Variants in LITAF observed in about 807,000 individuals in gnomAD.
LITAF encodes the protein lipopolysaccharide-induced tumor necrosis factor-alpha factor.
Under a neutral mutation model 14.5 loss-of-function variants are expected in LITAF, and 9 were observed. The ratio of observed to expected loss-of-function variants is 0.62; its 90% CI spans 0.37 to 1.08. The LOEUF (loss-of-function observed/expected upper bound fraction) is 1.08, where lower values mean the gene tolerates loss of function less well. Among genes scored for constraint, LITAF ranks in the 50% least tolerant of loss-of-function variants. LITAF has a pLI of 0.01. For missense variants in LITAF, 206 were observed against 213.4 expected (o/e 0.97, Z 0.22); for synonymous variants, 98 against 88.2 (o/e 1.11, Z -0.62).
chr16:11,569,223 A>T (rs746908865), intron 1 of LITAF, among the ~76,000 whole-genome samples: 1 of 152,120 alleles, frequency 6.6e-6, no homozygotes, highest in Non-Finnish European at 1.5e-5. Flanking sequence ...CAGGCTGGAC[A>T]TCTCTGCCTG....
intron 3 of LITAF, among the ~76,000 whole-genome samples, chr16:11,618,590 TTC>T (rs1427020782): frequency 2.6e-5 from 4 of 152,296 alleles, no homozygotes; most frequent in African/African-American, 9.6e-5. Context: ...GCAAGATAGT[TTC>T]TCTCTGGCCA....
At chr16:11,603,670 C>T (rs1278666362) in intron 3 of LITAF, among the ~76,000 whole-genome samples, 1 of 152,194 alleles carries the variant, frequency 6.6e-6, no homozygotes, top group Non-Finnish European at 1.5e-5. Context: ...CCAACCCGGC[C>T]ACCTCAGCAG....
At position 11,634,479 on chromosome 16, in the gene LITAF, G is replaced by T. The variant is rs2065130585; in HGVS notation, c.-20-842C>A. ...TACATGATTACCAGCCATTATTCCA[G>T]AGGCCACAAGATTTGCAACTTCCCC... On this transcript the variant is annotated intron_variant, in intron 2 of 3. Coordinates refer to the LITAF transcript ENST00000574848. This position sits in a 1 kb window ranked among gnomAD's most constrained non-coding sequence, Gnocchi z 4.1. Among the ~76,000 whole-genome samples, 1 of 152,152 alleles carries T rather than the reference G, an allele frequency of 6.6e-6. No homozygotes were observed. The highest frequency in any genetic ancestry group is 1.5e-5 in the Non-Finnish European group (1 of 68,032).
upstream of LITAF, among the ~76,000 whole-genome samples, chr16:11,601,622 T>G (rs1296570178): frequency 1.3e-5 from 2 of 152,060 alleles, no homozygotes; most frequent in African/African-American, 2.4e-5. Flanking sequence ...CAGGCTGGAG[T>G]GCGGTGGTGT....
intron 1 of LITAF, among the ~76,000 whole-genome samples, chr16:11,577,764 G>T (rs1409773035): frequency 6.6e-6 from 1 of 152,088 alleles, no homozygotes; most frequent in Non-Finnish European, 1.5e-5. Flanking sequence ...CACCCAGGCT[G>T]GAGTGCAGTG....
intron 3 of LITAF, among the ~76,000 whole-genome samples, chr16:11,552,496 C>T (rs192466062): frequency 1.7e-4 from 26 of 152,254 alleles, no homozygotes; most frequent in Non-Finnish European, 2.4e-4. Flanking sequence ...AAGCTTCCCT[C>T]GGGCTCGAGC....
chr16:11,635,031 C>T lies in LITAF; in HGVS notation c.-21+794G>A, dbSNP rs1298836790. ...CCTGGGCATCACAGTGAGACTCCAT[C>T]TCAAAAATAAAATAAAATAAAATAA... On this transcript the variant is annotated intron_variant, in intron 2 of 3. Coordinates refer to the LITAF transcript ENST00000574848. Among the ~76,000 whole-genome samples, 8 of 147,020 alleles carry T rather than the reference C, an allele frequency of 5.4e-5. No homozygotes were observed. In the South Asian group the frequency reaches 1.8e-3, roughly 32 times the overall value.
At position 11,555,897 on chromosome 16, in the gene LITAF, G is replaced by C. The variant is rs551515492; in HGVS notation, c.220+614C>G. ...AACCTATTTTACAAATGGGGAAGCT[G>C]AGGCACAAGGAGGTTATGTGAACCC... On this transcript the variant is annotated intron_variant, in intron 2 of 3. Transcript: ENST00000622633. Among the ~76,000 whole-genome samples the C allele has an allele frequency of 6.6e-5, 10 of 152,294 alleles. No homozygotes were observed. In the South Asian group the frequency reaches 2.1e-3, roughly 32 times the overall value.
chr16:11,550,223 G>C (rs1481064280), intron 3 of LITAF, among the ~76,000 whole-genome samples: 1 of 152,214 alleles, frequency 6.6e-6, no homozygotes, highest in Non-Finnish European at 1.5e-5. Context: ...CTGAGTAGCT[G>C]GGATTGCAGG....
chr16:11,607,734 A>G (rs2064961963), intron 3 of LITAF, among the ~76,000 whole-genome samples: 1 of 152,214 alleles, frequency 6.6e-6, no homozygotes. Flanking sequence ...CAACCATAAC[A>G]TCACCAGACC....
chr16:11,575,222 C>T (rs2064612619), intron 1 of LITAF, among the ~76,000 whole-genome samples: 1 of 152,092 alleles, frequency 6.6e-6, no homozygotes, highest in African/African-American at 2.4e-5. Flanking sequence ...TTATGGGACC[C>T]ATATAGGGAG....
At chr16:11,554,563 T>C (rs1182648031) in intron 2 of LITAF, among the ~76,000 whole-genome samples, 1 of 151,622 alleles carries the variant, frequency 6.6e-6, no homozygotes, top group Admixed American at 6.6e-5. Flanking sequence ...GAGGCCGAGG[T>C]GCGTGGATCA....
At chr16:11,637,893 AAAAACT>A (rs1188799738), upstream of LITAF, among the ~76,000 whole-genome samples, 1 of 93,846 alleles carries the variant, frequency 1.1e-5, no homozygotes, top group African/African-American at 5.6e-5. Flanking sequence ...AAAAAAAAAA[AAAAACT>A]ATATATATAT....
At chr16:11,617,949 C>A (rs914821554) in intron 3 of LITAF, among the ~76,000 whole-genome samples, 1 of 152,066 alleles carries the variant, frequency 6.6e-6, no homozygotes, top group African/African-American at 2.4e-5. Context: ...TAGCTCACTG[C>A]AGCCTCAACC....
rs1261707391 is a variant in LITAF at position 11,605,077 on chromosome 16, G to A, written c.85+28456C>T. ...ACTGCTGGACGTGGGGCACTTGAAT[G>A]GGTCCCTCACCCGTGTGCAGGCCCT... is the stretch of plus-strand genomic sequence containing the variant. On this transcript the variant is annotated intron_variant, in intron 3 of 3. Coordinates refer to the LITAF transcript ENST00000574848. This position sits in a 1 kb window ranked among gnomAD's most constrained non-coding sequence, Gnocchi z 4.7. Among the ~76,000 whole-genome samples, 1 of 152,202 alleles carries A rather than the reference G, an allele frequency of 6.6e-6. No individual in the cohort carries two copies. The highest frequency in any genetic ancestry group is 1.9e-4 in the East Asian group (1 of 5,204).
chr16:11,639,214 T>A (rs940257752), upstream of LITAF, among the ~76,000 whole-genome samples: 1 of 151,164 alleles, frequency 6.6e-6, no homozygotes, highest in Non-Finnish European at 1.5e-5. Context: ...GATGGATGAA[T>A]GGTTAGAGGG....
intron 1 of LITAF, among the ~76,000 whole-genome samples, chr16:11,567,292 C>T (rs1049359986): frequency 2.6e-5 from 4 of 151,860 alleles, no homozygotes; most frequent in Non-Finnish European, 5.9e-5. Flanking sequence ...TGGTGGCACA[C>T]GCCTGTAATC....
Position 11,551,143 on chromosome 16 carries a change from C to T in LITAF, c.378-1398G>A, listed in dbSNP as rs879088977. Among the ~76,000 whole-genome samples, 7 of 152,124 alleles carry T rather than the reference C, an allele frequency of 4.6e-5. No homozygotes were observed. The South Asian group carries it at 1.0e-3, about 23-fold the overall frequency. On this transcript the variant is annotated intron_variant, in intron 3 of 3. Transcript: ENST00000622633. ...TAAAACTCAACCCTTCACAGGAAGA[C>T]GCTGGTTTACATAAAGCAGAATTTG...
In LITAF at chr16:11,634,859, C is replaced by A. The variant is rs1040394462; in HGVS notation, c.-21+966G>T. Among the ~76,000 whole-genome samples, 1 of 152,044 alleles carries A rather than the reference C, an allele frequency of 6.6e-6. No homozygotes were observed. The highest frequency in any genetic ancestry group is 1.5e-5 in the Non-Finnish European group (1 of 68,016). ...GACCAGCCTGGCTAACCTGGTGAAA[C>A]CCCGTCTCTACTAAAAATGCAAAAA... On this transcript the variant is annotated intron_variant, in intron 2 of 3. Transcript: ENST00000574848. The surrounding 1 kb of genome is among the most constrained non-coding windows in gnomAD (Gnocchi z 4.1).
Sources: allele counts gnomAD v4.1 joint callset (sites outside exome capture counted in the v4.1 genomes callset), GRCh38; gene constraint gnomAD v4.1.1; non-coding constraint Gnocchi (gnomAD v3.1); transcripts MANE v1.5; gene names NCBI Gene and HGNC (gene_info 2026-07-23, HGNC 2026-07-21).